Variants in LARP4B observed in about 807,000 individuals in gnomAD.
LARP4B encodes the protein la-related protein 4B.
A neutral mutation model predicts 89.8 loss-of-function variants in LARP4B; 12 were observed. The ratio of observed to expected loss-of-function variants is 0.13; its 90% CI spans 0.09 to 0.22. The LOEUF (loss-of-function observed/expected upper bound fraction) is 0.22, where lower values mean the gene tolerates loss of function less well. LARP4B is among the 10% of genes least tolerant of loss of function. The probability of loss-of-function intolerance (pLI) is 1.00; values close to 1 mark genes in which losing one functional copy is unlikely to be tolerated. For missense variants in LARP4B, 757 were observed against 947.7 expected, an observed-to-expected ratio of 0.80 and a Z score of 2.64; for synonymous variants, 367 against 363.3, an observed-to-expected ratio of 1.01 and a Z score of -0.12.
intron 3 of LARP4B, among the ~76,000 whole-genome samples, chr10:882,327 G>C (rs927853073): frequency 7.3e-5 from 11 of 151,628 alleles, no homozygotes; most frequent in South Asian, 2.1e-4. Context: ...ACACAAATTT[G>C]AGTAATTCTG....
chr10:977,413 C>G, the LARP4B span, among the ~76,000 whole-genome samples: 3 of 152,080 alleles, frequency 2.0e-5, no homozygotes, highest in African/African-American at 7.2e-5. Flanking sequence ...GTGATGCGTG[C>G]CTGTATTCCC....
the LARP4B span, among the ~76,000 whole-genome samples, chr10:961,004 C>T: frequency 1.3e-5 from 2 of 152,164 alleles, no homozygotes; most frequent in Middle Eastern, 3.2e-3. Flanking sequence ...ACAGCAGGAG[C>T]GGAAGCCCCG....
upstream of LARP4B, among the ~76,000 whole-genome samples, chr10:932,076 C>T (rs1830644312): frequency 6.6e-6 from 1 of 151,318 alleles, no homozygotes; most frequent in Non-Finnish European, 1.5e-5. Context: ...GGCCCTGGTC[C>T]TCCGCCACCG....
chr10:987,662 G>A, the LARP4B span: 7 of 152,362 alleles, frequency 4.6e-5, no homozygotes, highest in African/African-American at 1.4e-4. Flanking sequence ...AAGGGATGTG[G>A]CCCTGGGTTC....
At chr10:924,486 A>G (rs11253516) in intron 1 of LARP4B, 17,074 of 152,134 alleles carry the variant, frequency 0.11, 1,108 homozygotes, top group South Asian at 0.15. Flanking sequence ...AAATCCTCCA[A>G]CTGCTTCCCA....
chr10:956,789 C>T, the LARP4B span, among the ~76,000 whole-genome samples: 3 of 152,088 alleles, frequency 2.0e-5, no homozygotes, highest in Non-Finnish European at 2.9e-5. The surrounding 1 kb of genome is among the most constrained non-coding windows in gnomAD (Gnocchi z 4.3). Context: ...GGCCTGTAGC[C>T]GAGAGGAAAG....
chr10:853,641 G>T (rs1834162928), intron 5 of LARP4B, among the ~76,000 whole-genome samples: 1 of 152,230 alleles, frequency 6.6e-6, no homozygotes, highest in South Asian at 2.1e-4. Context: ...CTGTGATCAT[G>T]CCACTGCACT....
the LARP4B span, among the ~76,000 whole-genome samples, chr10:981,024 CTT>C: frequency 2.6e-5 from 4 of 152,232 alleles, no homozygotes; most frequent in Admixed American, 1.3e-4. Context: ...CTCTTGAACA[CTT>C]TGCTGCTTAG....
At chr10:933,836 CTT>C (rs879287860), upstream of LARP4B, among the ~76,000 whole-genome samples, 3 of 144,062 alleles carry the variant, frequency 2.1e-5, no homozygotes, top group Non-Finnish European at 1.5e-5. Flanking sequence ...GTAGGTTAAA[CTT>C]TTTTTTTTTT....
Position 814,089 on chromosome 10 carries a change from C to T in LARP4B, c.1929+653G>A, listed in dbSNP as rs1443414839. 6.6e-6 allele frequency among the ~76,000 whole-genome samples: 1 copy of T among 151,958 alleles called. No homozygotes were observed. Among genetic ancestry groups the T allele is most frequent in the Non-Finnish European group, 1.5e-5 (1 of 68,018 alleles). On this transcript the variant is annotated intron_variant, in intron 17 of 17. Coordinates refer to ENST00000316157, the MANE Select transcript of LARP4B (RefSeq NM_015155.3). The surrounding 1 kb of genome is among the most constrained non-coding windows in gnomAD (Gnocchi z 4.4). ...GTGCTGGGATTACAGGCGTGAGCCACAGCACCTGGCCTCTTTTATTATTAT... is the reference window on the plus strand; with the variant it reads ...GTGCTGGGATTACAGGCGTGAGCCATAGCACCTGGCCTCTTTTATTATTAT...
At chr10:829,761 C>T (rs1301627768) in intron 9 of LARP4B, 27 bp from the exon 10 acceptor site, 1 of 1,559,612 alleles carries the variant, frequency 6.4e-7, no homozygotes, top group Non-Finnish European at 8.8e-7. Context: ...GTACAAAATT[C>T]CATTCGATTA....
chr10:807,259 T>C (rs1831590523), downstream of LARP4B: 1 of 152,312 alleles, frequency 6.6e-6, no homozygotes, highest in African/African-American at 2.4e-5. Flanking sequence ...AGGCTGCGGC[T>C]GCCCACACTT....
At chr10:820,677 C>G (rs147045440) in intron 14 of LARP4B, 123 bp downstream of exon 14, 1 of 873,096 alleles carries the variant, frequency 1.1e-6, no homozygotes, top group African/African-American at 1.7e-5. Flanking sequence ...GTGGATTTCA[C>G]GTTACAAGTC....
At chr10:813,914 G>C (rs10904572) in intron 17 of LARP4B, among the ~76,000 whole-genome samples, 52,217 of 150,116 alleles carry the variant, frequency 0.35, 10,010 homozygotes, top group South Asian at 0.46. Context: ...TGATTCTCCT[G>C]CCTCAGCCTC....
At chr10:886,458 A>C (rs1835860900) in intron 1 of LARP4B, among the ~76,000 whole-genome samples, 1 of 152,214 alleles carries the variant, frequency 6.6e-6, no homozygotes, top group African/African-American at 2.4e-5. Flanking sequence ...TATTTATCCA[A>C]AGGCAATGAA....
At chr10:880,762 T>C (rs546893044) in intron 3 of LARP4B, among the ~76,000 whole-genome samples, 33 of 152,320 alleles carry the variant, frequency 2.2e-4, no homozygotes, top group African/African-American at 7.9e-4. Context: ...ATGAGTTAGA[T>C]TTCCAATTTC....
chr10:887,898 C>T (rs1835908386), intron 1 of LARP4B, among the ~76,000 whole-genome samples: 3 of 151,560 alleles, frequency 2.0e-5, no homozygotes, highest in Admixed American at 2.0e-4. Context: ...TGGCACATGC[C>T]TGTATAATCC....
chr10:942,085 G>A, the LARP4B span: 1 of 152,156 alleles, frequency 6.6e-6, no homozygotes. Context: ...AATTCCCCAA[G>A]GTATCTATTT....
chr10:850,683 A>G (rs892144361), intron 5 of LARP4B, among the ~76,000 whole-genome samples: 2 of 152,192 alleles, frequency 1.3e-5, no homozygotes, highest in Non-Finnish European at 2.9e-5. Flanking sequence ...CTCAAGGACA[A>G]ATGGAATATT....
Sources: gnomAD v4.1 joint callset for allele counts (sites outside exome capture counted in the v4.1 genomes callset) on GRCh38, gnomAD v4.1.1 for gene constraint, Gnocchi (gnomAD v3.1) non-coding constraint, MANE v1.5 for transcripts, NCBI Gene and HGNC (gene_info 2026-07-23, HGNC 2026-07-21) for gene names.